The following PDE3B variants were observed in gnomAD, a reference collection of about 807,000 sequenced individuals.
PDE3B encodes phosphodiesterase 3B, also known as cGMP-inhibited 3',5'-cyclic phosphodiesterase 3B.
Under a neutral mutation model 116.8 loss-of-function variants are expected in PDE3B, and 66 were observed. That is an observed-to-expected ratio of 0.56 (90% CI 0.46 to 0.69). The LOEUF (loss-of-function observed/expected upper bound fraction) is 0.69, where lower values mean the gene tolerates loss of function less well. PDE3B is among the 30% of genes least tolerant of loss of function. PDE3B has a pLI of 0.00. For missense variants in PDE3B, 1,384 were observed against 1,368.1 expected (o/e 1.01, Z -0.18); for synonymous variants, 595 against 533.6 (o/e 1.12, Z -1.59).
At chr11:14,654,576 T>C (rs1343315367) in intron 1 of PDE3B, among the ~76,000 whole-genome samples, 1 of 152,130 alleles carries the variant, frequency 6.6e-6, no homozygotes, top group Non-Finnish European at 1.5e-5. Context: ...GGTATACTAA[T>C]GATAAATATA....
rs1590146359 is a variant in PDE3B at position 14,789,232 on chromosome 11, G to A, written c.1405G>A (p.Gly469Ser). ...TGGCAAAAGACCTCACCAAGAATTT[G>A]GCATTTCAAGGTAAAATCTGCAGAG... is the stretch of plus-strand genomic sequence containing the variant. ...NNGKRPHQEF[G>S]ISSQGCYLNG... The change falls in exon 4 of 16, where the codon GGC becomes AGC. Residue 469 changes from glycine to serine, a missense_variant. Transcript: ENST00000282096. 6.2e-6 allele frequency: 10 copies of A among 1,603,582 alleles called. No individual in the cohort carries two copies. The East Asian group carries it at 2.2e-4, about 36-fold the overall frequency.
chr11:14,728,762 A>C (rs889132992), intron 1 of PDE3B, among the ~76,000 whole-genome samples: 4 of 152,122 alleles, frequency 2.6e-5, no homozygotes, highest in African/African-American at 9.7e-5. Context: ...ATGATATTTA[A>C]ATTTTTATTT....
chr11:14,772,014 ATATC>A lies in PDE3B; in HGVS notation c.1029+30_1029+33del, dbSNP rs767103670. On this transcript the variant is annotated intron_variant, in intron 2 of 15. Transcript: ENST00000282096. ...TAAGTATAATTAATATCTGTGATGAATATCTAAATAATATCTGTGATCACTAAAT... is the reference window on the plus strand; with the variant it reads ...TAAGTATAATTAATATCTGTGATGAATAAATAATATCTGTGATCACTAAAT... 6 of 914,120 alleles carry A rather than the reference ATATC, an allele frequency of 6.6e-6. No homozygotes were observed. The Admixed American group carries it at 1.4e-4, about 22-fold the overall frequency. 56.6% of individuals were successfully genotyped at this position (914,120 alleles called of 1,614,324 possible).
At chr11:14,891,378 GA>G in the PDE3B span, 7 of 985,554 alleles carry the variant, frequency 7.1e-6, no homozygotes, top group Non-Finnish European at 8.4e-6. Context: ...TGCGCTGTAG[GA>G]CCCCCGCAGC....
At chr11:14,722,230 C>G (rs1693153979) in intron 1 of PDE3B, among the ~76,000 whole-genome samples, 1 of 151,598 alleles carries the variant, frequency 6.6e-6, no homozygotes, top group African/African-American at 2.4e-5. Flanking sequence ...TTAATGGGTG[C>G]AGCACACCAA....
intron 1 of PDE3B, among the ~76,000 whole-genome samples, chr11:14,662,945 G>A (rs1359793273): frequency 6.6e-6 from 1 of 152,006 alleles, no homozygotes; most frequent in African/African-American, 2.4e-5. Flanking sequence ...TCAGATTCAG[G>A]AAATACAGAG....
At chr11:14,710,926 C>G (rs1320540200) in intron 1 of PDE3B, among the ~76,000 whole-genome samples, 1 of 152,202 alleles carries the variant, frequency 6.6e-6, no homozygotes, top group Non-Finnish European at 1.5e-5. Context: ...GCCCAAAGAA[C>G]TTTTCTTGCT....
At chr11:14,715,647 A>C (rs1855855779) in intron 1 of PDE3B, among the ~76,000 whole-genome samples, 1 of 152,068 alleles carries the variant, frequency 6.6e-6, no homozygotes, top group Non-Finnish European at 1.5e-5. Context: ...CTATCAGCTT[A>C]AGATTTTGGG....
intron 2 of PDE3B, chr11:14,774,252 A>T (rs1857722553): frequency 2.0e-5 from 3 of 152,202 alleles, no homozygotes; most frequent in African/African-American, 7.2e-5. Flanking sequence ...GTCTGATACA[A>T]ACCAGTCCCT....
chr11:14,856,806 A>G (rs370751670), intron 12 of PDE3B, among the ~76,000 whole-genome samples: 1 of 151,238 alleles, frequency 6.6e-6, no homozygotes, highest in Non-Finnish European at 1.5e-5. Flanking sequence ...GTGAGCTGAG[A>G]TCGCGCCACT....
At position 14,861,185 on chromosome 11, in the gene PDE3B, ATGT is replaced by A. The variant is rs1360393821; in HGVS notation, c.2725-15_2725-13del. On this transcript the variant is annotated splice_polypyrimidine_tract_variant and intron_variant, in intron 13 of 15. Coordinates refer to ENST00000282096, the MANE Select transcript of PDE3B (RefSeq NM_000922.4). ...AAAAATGCCTTCAGAACCTAAAATG[ATGT>A]TGTTTTTCCAAAATAGGCAAATGAT... The A allele has an allele frequency of 3.1e-6, 5 of 1,589,884 alleles. No individual in the cohort carries two copies. The highest frequency in any genetic ancestry group is 4.3e-6 in the Non-Finnish European group (5 of 1,161,698).
At chr11:14,681,679 T>C (rs926459012) in intron 1 of PDE3B, among the ~76,000 whole-genome samples, 12 of 152,238 alleles carry the variant, frequency 7.9e-5, no homozygotes, top group Non-Finnish European at 2.9e-5. Flanking sequence ...AAATGGTATT[T>C]AACAAGAATT....
intron 1 of PDE3B, 148 bp downstream of exon 1, chr11:14,645,201 G>A (rs967216755): frequency 1.7e-6 from 1 of 605,056 alleles, no homozygotes; most frequent in African/African-American, 2.1e-5. Flanking sequence ...AGGAAATAAT[G>A]TTTTATTCTG....
At chr11:14,875,302 T>C (rs1848179336), downstream of PDE3B, among the ~76,000 whole-genome samples, 1 of 152,180 alleles carries the variant, frequency 6.6e-6, no homozygotes, top group Admixed American at 6.6e-5. Context: ...TCTATATTTT[T>C]CCATTCACCT....
intron 5 of PDE3B, among the ~76,000 whole-genome samples, chr11:14,813,558 A>C (rs558864766): frequency 1.3e-5 from 2 of 152,328 alleles, no homozygotes; most frequent in East Asian, 3.9e-4. Context: ...GAGCACAACT[A>C]CATAATCCAG....
chr11:14,706,152 T>C (rs1175257191), intron 1 of PDE3B, among the ~76,000 whole-genome samples: 2 of 151,698 alleles, frequency 1.3e-5, no homozygotes, highest in African/African-American at 4.8e-5. Flanking sequence ...CCTCCCTCCT[T>C]CACTCCCTTC....
chr11:14,749,729 T>C (rs769579971), intron 1 of PDE3B, among the ~76,000 whole-genome samples: 1 of 151,102 alleles, frequency 6.6e-6, no homozygotes, highest in South Asian at 2.1e-4. Context: ...AATCCATGAA[T>C]AGGATTCAGG....
At chr11:14,739,630 C>T (rs967641201) in intron 1 of PDE3B, among the ~76,000 whole-genome samples, 1 of 152,172 alleles carries the variant, frequency 6.6e-6, no homozygotes, top group African/African-American at 2.4e-5. Flanking sequence ...CCAGAACTTC[C>T]AATACTTTGT....
chr11:14,718,498 C>A lies in PDE3B; in HGVS notation c.979-53439C>A, dbSNP rs963189978. Among the ~76,000 whole-genome samples the A allele has an allele frequency of 2.3e-3, 342 of 148,100 alleles. 3 individuals are homozygous for A. The highest frequency in any genetic ancestry group is 7.9e-3 in the African/African-American group (317 of 40,256). On this transcript the variant is annotated intron_variant, in intron 1 of 15. Coordinates refer to ENST00000282096, the MANE Select transcript of PDE3B (RefSeq NM_000922.4). Reference sequence around the variant, plus strand: ...TTTCAGCACCACACCACACCTATTCCAAAATTGACCACATAGTTGGAAGTA... The same window carrying A: ...TTTCAGCACCACACCACACCTATTCAAAAATTGACCACATAGTTGGAAGTA...
Sources: allele counts gnomAD v4.1 joint callset (sites outside exome capture counted in the v4.1 genomes callset), GRCh38; gene constraint gnomAD v4.1.1; transcripts MANE v1.5; gene names NCBI Gene and HGNC (gene_info 2026-07-23, HGNC 2026-07-21).